The following FGF10 variants were observed in gnomAD, a reference collection of about 807,000 sequenced individuals.
FGF10 encodes fibroblast growth factor 10, also known as FGF-10.
In FGF10, 2 loss-of-function variants were observed where a neutral mutation model predicts 19.8. The observed-to-expected ratio is 0.10, with a 90% confidence interval of 0.04 to 0.32. The LOEUF is 0.32. FGF10 is among the 10% of genes least tolerant of loss of function. The pLI, the probability that FGF10 is intolerant of heterozygous loss-of-function variation, is 1.00. For missense variants in FGF10, 191 were observed against 246.3 expected, an observed-to-expected ratio of 0.78 and a Z score of 1.50; for synonymous variants, 112 against 94.0, an observed-to-expected ratio of 1.19 and a Z score of -1.10.
At chr5:44,309,793 C>A (rs1740166157) in intron 2 of FGF10, among the ~76,000 whole-genome samples, 1 of 152,042 alleles carries the variant, frequency 6.6e-6, no homozygotes, top group Non-Finnish European at 1.5e-5. Context: ...ATACTTAACA[C>A]CTGGTATGGA....
At chr5:44,382,320 G>A (rs925864426) in intron 1 of FGF10, among the ~76,000 whole-genome samples, 1 of 152,120 alleles carries the variant, frequency 6.6e-6, no homozygotes, top group African/African-American at 2.4e-5. Context: ...TCATTATTTT[G>A]TGGGTGACCT....
chr5:44,347,949 T>C (rs1741124892), intron 1 of FGF10, among the ~76,000 whole-genome samples: 1 of 151,746 alleles, frequency 6.6e-6, no homozygotes, highest in Admixed American at 6.6e-5. Context: ...TATATTTTTA[T>C]TTAATTTAGA....
chr5:44,382,918 C>A (rs1318039632), intron 1 of FGF10, among the ~76,000 whole-genome samples: 1 of 152,032 alleles, frequency 6.6e-6, no homozygotes, highest in African/African-American at 2.4e-5. Context: ...AAAATGTCAT[C>A]TGAATTACTC....
intron 1 of FGF10, among the ~76,000 whole-genome samples, chr5:44,330,031 G>C (rs557812146): frequency 1.9e-3 from 289 of 152,174 alleles, no homozygotes; most frequent in Non-Finnish European, 2.8e-3. Flanking sequence ...ATATTTATGA[G>C]CTCATTCTTG....
intron 1 of FGF10, among the ~76,000 whole-genome samples, chr5:44,346,862 A>G (rs1406830227): frequency 6.6e-6 from 1 of 151,866 alleles, no homozygotes; most frequent in African/African-American, 2.4e-5. Context: ...TGTGTCAACT[A>G]ATTTAAATTA....
At chr5:44,308,680 C>T (rs1740139164) in intron 2 of FGF10, among the ~76,000 whole-genome samples, 1 of 152,122 alleles carries the variant, frequency 6.6e-6, no homozygotes, top group Non-Finnish European at 1.5e-5. Context: ...TAAAATTCCT[C>T]TGACCCCCAT....
At chr5:44,363,821 A>G (rs1195644944) in intron 1 of FGF10, among the ~76,000 whole-genome samples, 1 of 151,912 alleles carries the variant, frequency 6.6e-6, no homozygotes, top group Non-Finnish European at 1.5e-5. Context: ...ATTATTTCAT[A>G]TACACTTTTG....
At chr5:44,357,741 G>A (rs1479615113) in intron 1 of FGF10, among the ~76,000 whole-genome samples, 10 of 151,500 alleles carry the variant, frequency 6.6e-5, no homozygotes, top group African/African-American at 2.4e-4. Context: ...CCAATTGGGG[G>A]CAAAATTCTC....
intron 1 of FGF10, among the ~76,000 whole-genome samples, chr5:44,320,059 G>C (rs1740447458): frequency 6.6e-6 from 1 of 152,182 alleles, no homozygotes; most frequent in Non-Finnish European, 1.5e-5. Flanking sequence ...ATTGTGAACT[G>C]CATATGTGAG....
chr5:44,379,521 C>T (rs570606516), intron 1 of FGF10, among the ~76,000 whole-genome samples: 2 of 152,154 alleles, frequency 1.3e-5, no homozygotes, highest in Non-Finnish European at 2.9e-5. Context: ...CACTCCGGGA[C>T]TATACTTTTT....
At position 44,300,824 on chromosome 5, in the gene FGF10, A is replaced by G. The variant is rs925683244; in HGVS notation, c.*4171T>C. On this transcript the variant is annotated 3_prime_UTR_variant, in exon 3 of 3. Transcript: ENST00000264664. Reference sequence around the variant, plus strand: ...TGAAGATTGGTCAATCACAATTCCCAAATCTCTTATACTGATTGGTCTAGA... The same window carrying G: ...TGAAGATTGGTCAATCACAATTCCCGAATCTCTTATACTGATTGGTCTAGA... Among the ~76,000 whole-genome samples, 2 of 151,906 alleles carry G rather than the reference A, an allele frequency of 1.3e-5. No individual in the cohort carries two copies. Among genetic ancestry groups the G allele is most frequent in the Non-Finnish European group, 2.9e-5 (2 of 67,956 alleles).
intron 1 of FGF10, among the ~76,000 whole-genome samples, chr5:44,320,772 C>G (rs1740467688): frequency 6.6e-6 from 1 of 151,740 alleles, no homozygotes; most frequent in Admixed American, 6.6e-5. Flanking sequence ...ACTCTGTCAC[C>G]CAGGCTGGAG....
chr5:44,386,254 T>C (rs1156281988), intron 1 of FGF10, among the ~76,000 whole-genome samples: 1 of 152,206 alleles, frequency 6.6e-6, no homozygotes, highest in African/African-American at 2.4e-5. Context: ...AATAGCAATT[T>C]AGGTTGTGTA....
chr5:44,316,197 G>A (rs1740345548), intron 1 of FGF10, among the ~76,000 whole-genome samples: 3 of 152,098 alleles, frequency 2.0e-5, no homozygotes, highest in Admixed American at 2.0e-4. Context: ...ATAATCTGGG[G>A]TGGAACAGTT....
At chr5:44,332,458 T>C (rs1483872393) in intron 1 of FGF10, among the ~76,000 whole-genome samples, 1 of 152,176 alleles carries the variant, frequency 6.6e-6, no homozygotes, top group African/African-American at 2.4e-5. Flanking sequence ...TGTTTTTTCC[T>C]TTAAAGGAAC....
chr5:44,370,804 A>T (rs936512162), intron 1 of FGF10, among the ~76,000 whole-genome samples: 1 of 152,142 alleles, frequency 6.6e-6, no homozygotes, highest in African/African-American at 2.4e-5. Context: ...AATTCAAGTG[A>T]TGTAAACAAA....
intron 1 of FGF10, among the ~76,000 whole-genome samples, chr5:44,368,307 A>T (rs1297023687): frequency 6.6e-6 from 1 of 152,136 alleles, no homozygotes; most frequent in East Asian, 1.9e-4. Flanking sequence ...TATGCAATTC[A>T]GATTCTTTAA....
chr5:44,368,399 G>C (rs1005999639), intron 1 of FGF10, among the ~76,000 whole-genome samples: 1 of 151,966 alleles, frequency 6.6e-6, no homozygotes, highest in African/African-American at 2.4e-5. Flanking sequence ...ACATAGCACC[G>C]CATATAACAA....
rs147536841 is a variant in FGF10 at position 44,344,158 on chromosome 5, T to C, written c.326-33628A>G. 9.2e-5 allele frequency among the ~76,000 whole-genome samples: 14 copies of C among 151,924 alleles called. No homozygotes were observed. The East Asian group carries it at 2.7e-3, about 30-fold the overall frequency. Reference sequence around the variant, plus strand: ...CAGAGTGCAAGCAAAGAGACGTCCATAGAGAACAGAGAGACAGGTGAGACT... The same window carrying C: ...CAGAGTGCAAGCAAAGAGACGTCCACAGAGAACAGAGAGACAGGTGAGACT... On this transcript the variant is annotated intron_variant, in intron 1 of 2. Coordinates refer to ENST00000264664, the MANE Select transcript of FGF10 (RefSeq NM_004465.2).
Sources: gnomAD v4.1 joint callset for allele counts (sites outside exome capture counted in the v4.1 genomes callset) on GRCh38, gnomAD v4.1.1 for gene constraint, MANE v1.5 for transcripts, NCBI Gene and HGNC (gene_info 2026-07-23, HGNC 2026-07-21) for gene names.